VMP1: variants seen among roughly 807,000 people sequenced by gnomAD.
The protein encoded by VMP1 is vacuole membrane protein 1.
VMP1 carries 11 observed loss-of-function variants against 56.0 expected under a neutral mutation model. The ratio of observed to expected loss-of-function variants is 0.20; its 90% CI spans 0.12 to 0.32. The LOEUF is 0.32. Ranked by LOEUF, VMP1 falls within the 10% of genes least tolerant of loss-of-function variation. The probability of loss-of-function intolerance (pLI) is 1.00; values close to 1 mark genes in which losing one functional copy is unlikely to be tolerated. For synonymous variants in VMP1, 149 were observed against 165.0 expected (o/e 0.90, Z 0.74); for missense variants, 296 against 490.3 (o/e 0.60, Z 3.74).
At chr17:59,832,929 A>C (rs2038865447) in intron 10 of VMP1, among the ~76,000 whole-genome samples, 1 of 151,946 alleles carries the variant, frequency 6.6e-6, no homozygotes, top group Non-Finnish European at 1.5e-5. Context: ...AATTCTTTGA[A>C]TTTAATCAGA....
Position 59,839,884 on chromosome 17 carries a change from G to C in VMP1, c.1194G>C (p.Arg398=). The change falls in exon 12 of 12, where the codon CGG becomes CGC. Residue 398 remains arginine (R), a synonymous_variant. Coordinates refer to ENST00000262291, the MANE Select transcript of VMP1 (RefSeq NM_030938.5). Reference sequence around the variant, plus strand: ...GTTATGCCAAACGAATCCAGCAGCGGTTGAACTCAGAGGAGAAAACTAAAT... The same window carrying C: ...GTTATGCCAAACGAATCCAGCAGCGCTTGAACTCAGAGGAGAAAACTAAAT... The part of the protein sequence containing the change: ...AQSYAKRIQQ[R]LNSEEKTK 1 of 1,612,594 alleles carries C rather than the reference G, an allele frequency of 6.2e-7. No homozygotes were observed. Among genetic ancestry groups the C allele is most frequent in the Non-Finnish European group, 8.5e-7 (1 of 1,179,762 alleles).
At chr17:59,713,900 G>A (rs1005998886) in intron 1 of VMP1, among the ~76,000 whole-genome samples, 4 of 151,298 alleles carry the variant, frequency 2.6e-5, no homozygotes, top group African/African-American at 9.7e-5. Context: ...AATTAGCTGG[G>A]CGTGGTGGTG....
chr17:59,780,594 T>G (rs2036786321), intron 7 of VMP1, among the ~76,000 whole-genome samples: 1 of 152,364 alleles, frequency 6.6e-6, no homozygotes, highest in East Asian at 1.9e-4. Context: ...TTTTGTTTTT[T>G]GTTTTTTTTG....
At chr17:59,836,840 A>ATCC (rs773247996) in intron 10 of VMP1, among the ~76,000 whole-genome samples, 1 of 152,004 alleles carries the variant, frequency 6.6e-6, no homozygotes, top group Non-Finnish European at 1.5e-5. Context: ...AGCATCTGAT[A>ATCC]AAATATAATA....
At chr17:59,734,559 T>C (rs543628394) in intron 2 of VMP1, among the ~76,000 whole-genome samples, 1 of 152,240 alleles carries the variant, frequency 6.6e-6, no homozygotes, top group African/African-American at 2.4e-5. Flanking sequence ...GTAGTGAGAC[T>C]GTGTCTCCAC....
intron 1 of VMP1, among the ~76,000 whole-genome samples, chr17:59,708,356 A>T (rs191915435): frequency 2.6e-5 from 4 of 152,194 alleles, no homozygotes; most frequent in Non-Finnish European, 4.4e-5. Context: ...CCCGACCTCT[A>T]TATCTTATTA....
At chr17:59,758,148 C>G (rs2035915529) in intron 5 of VMP1, among the ~76,000 whole-genome samples, 1 of 152,010 alleles carries the variant, frequency 6.6e-6, no homozygotes, top group African/African-American at 2.4e-5. Flanking sequence ...TGCCTATTTG[C>G]CACTTTAAGA....
At chr17:59,829,046 GT>G (rs1457480845) in intron 10 of VMP1, among the ~76,000 whole-genome samples, 1 of 152,178 alleles carries the variant, frequency 6.6e-6, no homozygotes, top group Non-Finnish European at 1.5e-5. Flanking sequence ...AAGCCGGGAG[GT>G]GAAGGTTGCA....
intron 7 of VMP1, among the ~76,000 whole-genome samples, chr17:59,776,693 G>A (rs1318648199): frequency 6.6e-6 from 1 of 152,122 alleles, no homozygotes; most frequent in Non-Finnish European, 1.5e-5. Flanking sequence ...GAAGCAGATG[G>A]GTGAGACTTG....
intron 4 of VMP1, 40 bp from the exon 5 acceptor site, chr17:59,738,797 A>G: frequency 7.3e-7 from 1 of 1,370,576 alleles, no homozygotes; most frequent in Non-Finnish European, 1.0e-6. Flanking sequence ...GCATTTCTGT[A>G]TAGAGAATTC....
At chr17:59,798,877 A>T (rs549433613) in intron 7 of VMP1, among the ~76,000 whole-genome samples, 2 of 152,132 alleles carry the variant, frequency 1.3e-5, no homozygotes, top group East Asian at 3.9e-4. Flanking sequence ...CAAGAGCGAA[A>T]CTCCGTCTCA....
At chr17:59,740,592 G>A (rs2035191047) in intron 5 of VMP1, among the ~76,000 whole-genome samples, 1 of 152,196 alleles carries the variant, frequency 6.6e-6, no homozygotes, top group Non-Finnish European at 1.5e-5. Context: ...GTTTATGGGA[G>A]TTTAAAACTT....
chr17:59,831,572 G>T (rs1275258805), intron 10 of VMP1, among the ~76,000 whole-genome samples: 2 of 150,770 alleles, frequency 1.3e-5, no homozygotes, highest in Admixed American at 1.3e-4. Context: ...ATTTGGCAAG[G>T]GCTCTTGGCA....
At chr17:59,825,319 G>A (rs1173417264) in intron 10 of VMP1, among the ~76,000 whole-genome samples, 3 of 151,098 alleles carry the variant, frequency 2.0e-5, no homozygotes, top group Non-Finnish European at 2.9e-5. Flanking sequence ...TGATCCACCC[G>A]CCTTGGCATC....
intron 5 of VMP1, among the ~76,000 whole-genome samples, chr17:59,755,095 C>T (rs2035790349): frequency 6.7e-6 from 1 of 149,420 alleles, no homozygotes; most frequent in African/African-American, 2.5e-5. Context: ...TGAAACATGC[C>T]TTCTTTTTCT....
At chr17:59,787,198 A>G (rs2037035447) in intron 7 of VMP1, among the ~76,000 whole-genome samples, 1 of 152,090 alleles carries the variant, frequency 6.6e-6, no homozygotes, top group Non-Finnish European at 1.5e-5. Context: ...GTAATTCTGG[A>G]GTTGTGATGT....
chr17:59,726,528 G>T (rs1251769256), intron 1 of VMP1, among the ~76,000 whole-genome samples: 1 of 151,882 alleles, frequency 6.6e-6, no homozygotes, highest in African/African-American at 2.4e-5. Flanking sequence ...TCCTGACCTC[G>T]GGTGATCTGC....
At chr17:59,752,157 G>A (rs535565122) in intron 5 of VMP1, among the ~76,000 whole-genome samples, 14 of 152,288 alleles carry the variant, frequency 9.2e-5, no homozygotes, top group East Asian at 1.9e-4. Flanking sequence ...TTTACACATC[G>A]TGGGCTATCC....
At chr17:59,721,946 T>G (rs2034415632) in intron 1 of VMP1, among the ~76,000 whole-genome samples, 1 of 152,222 alleles carries the variant, frequency 6.6e-6, no homozygotes, top group African/African-American at 2.4e-5. Context: ...TGGTGAGGAC[T>G]CTCTTCCTGG....
Sources: allele counts gnomAD v4.1 joint callset (sites outside exome capture counted in the v4.1 genomes callset), GRCh38; gene constraint gnomAD v4.1.1; transcripts MANE v1.5; gene names NCBI Gene and HGNC (gene_info 2026-07-23, HGNC 2026-07-21).